Variants in CSMD1 observed in about 807,000 individuals in gnomAD.
CSMD1 encodes CUB and Sushi multiple domains 1, also known as CUB and sushi domain-containing protein 1.
In CSMD1, 213 loss-of-function variants were observed where a neutral mutation model predicts 417.5. The ratio of observed to expected loss-of-function variants is 0.51; its 90% CI spans 0.46 to 0.57. The LOEUF (loss-of-function observed/expected upper bound fraction) is 0.57. CSMD1 is among the 20% of genes least tolerant of loss of function. CSMD1 has a pLI of 0.00. For missense variants in CSMD1, 6,923 were observed against 4,529.7 expected (o/e 1.53, Z -15.17); for synonymous variants, 2,862 against 1,736.8 (o/e 1.65, Z -16.11).
intron 52 of CSMD1, among the ~76,000 whole-genome samples, chr8:3,017,764 T>A (rs370086053): frequency 9.1e-5 from 13 of 142,236 alleles, no homozygotes; most frequent in African/African-American, 3.5e-4. Flanking sequence ...CCATGCAGAT[T>A]CAGAAGCTTA....
chr8:4,194,709 GTTC>G (rs1356143356), intron 3 of CSMD1, among the ~76,000 whole-genome samples: 1 of 151,944 alleles, frequency 6.6e-6, no homozygotes, highest in Non-Finnish European at 1.5e-5. Flanking sequence ...ATTTGCCAAA[GTTC>G]TTCAAATTAT....
intron 5 of CSMD1, among the ~76,000 whole-genome samples, chr8:3,938,239 G>C (rs948245067): frequency 5.3e-5 from 8 of 151,986 alleles, no homozygotes; most frequent in African/African-American, 1.9e-4. Flanking sequence ...TGTGTAAAAT[G>C]CTTTACTGTT....
intron 3 of CSMD1, among the ~76,000 whole-genome samples, chr8:4,410,727 G>A (rs1185161497): frequency 6.6e-5 from 10 of 152,110 alleles, no homozygotes; most frequent in African/African-American, 2.2e-4. Context: ...ATGTACAGAA[G>A]ATAAAATTAT....
intron 1 of CSMD1, among the ~76,000 whole-genome samples, chr8:4,795,552 G>A (rs904144525): frequency 1.5e-4 from 23 of 151,768 alleles, no homozygotes; most frequent in African/African-American, 4.8e-4. Flanking sequence ...ATGAGCCACC[G>A]CACCCGGCCA....
At chr8:4,248,099 T>G (rs1444110975) in intron 3 of CSMD1, among the ~76,000 whole-genome samples, 1 of 152,176 alleles carries the variant, frequency 6.6e-6, no homozygotes, top group African/African-American at 2.4e-5. Flanking sequence ...ATTATTTTTG[T>G]GTATATTTCC....
chr8:4,621,594 TTC>T (rs1291710570), intron 2 of CSMD1, among the ~76,000 whole-genome samples: 3 of 152,130 alleles, frequency 2.0e-5, no homozygotes, highest in Non-Finnish European at 4.4e-5. Context: ...GAGCAGATTT[TTC>T]TGTCTTAAAT....
chr8:3,365,244 C>A (rs1440456855), intron 20 of CSMD1, among the ~76,000 whole-genome samples: 2 of 152,164 alleles, frequency 1.3e-5, no homozygotes, highest in Admixed American at 1.3e-4. Context: ...ATCAAGTGGT[C>A]TGAGCCAGTC....
chr8:3,284,093 A>C lies in CSMD1; in HGVS notation c.4153+51T>G, dbSNP rs1802952079. 30 of 1,367,374 alleles carry C rather than the reference A, an allele frequency of 2.2e-5. No individual in the cohort carries two copies. In the Middle Eastern group the frequency reaches 5.3e-4, roughly 24 times the overall value. 84.7% of individuals were successfully genotyped at this position (1,367,374 alleles called of 1,614,324 possible). ...TATAAATGGAGGGAGATCTGTGTTC[A>C]TGACAAGACTTTGATATCAAGGTAA... On this transcript the variant is annotated intron_variant, in intron 26 of 69. Transcript: ENST00000635120.
In CSMD1 at chr8:4,040,902, G is replaced by A. The variant is rs151260456; in HGVS notation, c.416-8803C>T. Among the ~76,000 whole-genome samples the A allele has an allele frequency of 5.1e-4, 78 of 151,976 alleles. 1 individual carries two copies. The East Asian group carries it at 0.014, about 27-fold the overall frequency. ...TCACTATGTAAATGGCTCTTGAGAA[G>A]CATCATGAATATTTGCTAGTGTGAA... On this transcript the variant is annotated intron_variant, in intron 3 of 69. Transcript: ENST00000635120.
intron 3 of CSMD1, among the ~76,000 whole-genome samples, chr8:4,299,458 G>C (rs969458734): frequency 2.0e-5 from 3 of 152,124 alleles, no homozygotes; most frequent in African/African-American, 7.2e-5. Context: ...CTAGTAATTG[G>C]TTCTTTAATT....
intron 2 of CSMD1, among the ~76,000 whole-genome samples, chr8:4,564,734 G>A (rs1287788045): frequency 2.0e-5 from 3 of 152,118 alleles, no homozygotes; most frequent in Non-Finnish European, 2.9e-5. Flanking sequence ...GCATTTTGAT[G>A]GATCTGAACA....
intron 2 of CSMD1, among the ~76,000 whole-genome samples, chr8:4,631,859 C>T (rs1802538159): frequency 6.6e-6 from 1 of 152,072 alleles, no homozygotes; most frequent in East Asian, 1.9e-4. Context: ...AAGCTATTTC[C>T]CTAGGCCTTG....
intron 3 of CSMD1, among the ~76,000 whole-genome samples, chr8:4,389,508 G>A (rs901265631): frequency 6.6e-6 from 1 of 151,854 alleles, no homozygotes; most frequent in African/African-American, 2.4e-5. Context: ...AAATACAAAG[G>A]ATAATATATC....
At chr8:4,925,295 T>C (rs1299245420) in intron 1 of CSMD1, among the ~76,000 whole-genome samples, 1 of 130,068 alleles carries the variant, frequency 7.7e-6, no homozygotes, top group Non-Finnish European at 1.5e-5. Flanking sequence ...AACTTGAAGG[T>C]TAATTTCCAG....
intron 3 of CSMD1, among the ~76,000 whole-genome samples, chr8:4,120,257 G>A (rs1002917628): frequency 1.3e-4 from 19 of 151,546 alleles, no homozygotes; most frequent in Admixed American, 1.1e-3. Context: ...GCATAAAAAG[G>A]ATTTGGGGTA....
intron 1 of CSMD1, among the ~76,000 whole-genome samples, chr8:4,856,029 C>A (rs1801779709): frequency 6.6e-6 from 1 of 152,012 alleles, no homozygotes; most frequent in African/African-American, 2.4e-5. Context: ...GTCGGGTTAC[C>A]CTCAAAAGGA....
At chr8:3,455,722 A>C (rs973469433) in intron 12 of CSMD1, among the ~76,000 whole-genome samples, 12 of 152,080 alleles carry the variant, frequency 7.9e-5, no homozygotes, top group Admixed American at 2.6e-4. Flanking sequence ...GACTGCCCCT[A>C]CTGGGGATGC....
chr8:2,992,572 C>T lies in CSMD1; in HGVS notation c.8377+5439G>A, dbSNP rs182444703. ...CTGAGTAGCTGGGATTACAGGTGTG[C>T]ACCACCACACCTGGCTAATTTTTTT... On this transcript the variant is annotated intron_variant, in intron 54 of 69. Coordinates refer to ENST00000635120, the MANE Select transcript of CSMD1 (RefSeq NM_033225.6). Among the ~76,000 whole-genome samples, 1,174 of 151,692 alleles carry T rather than the reference C, an allele frequency of 7.7e-3. 6 individuals carry two copies. The highest frequency in any genetic ancestry group is 0.017 in the Middle Eastern group (5 of 294).
chr8:4,588,096 C>G (rs1799794218), intron 2 of CSMD1, among the ~76,000 whole-genome samples: 1 of 152,096 alleles, frequency 6.6e-6, no homozygotes, highest in Admixed American at 6.6e-5. Context: ...TCTAAAATGC[C>G]TCTGGCTTCC....
Sources: gnomAD v4.1 joint callset for allele counts (sites outside exome capture counted in the v4.1 genomes callset) on GRCh38, gnomAD v4.1.1 for gene constraint, MANE v1.5 for transcripts, NCBI Gene and HGNC (gene_info 2026-07-23, HGNC 2026-07-21) for gene names.